AKAP6: variants seen among roughly 807,000 people sequenced by gnomAD.
AKAP6 encodes the protein A-kinase anchoring protein 6.
Under a neutral mutation model 188.5 loss-of-function variants are expected in AKAP6, and 58 were observed. That is an observed-to-expected ratio of 0.31 (90% CI 0.25 to 0.38). The LOEUF is 0.38. Among genes scored for constraint, AKAP6 ranks in the 10% least tolerant of loss-of-function variants. The pLI is 1.00. For synonymous variants in AKAP6, 989 were observed against 998.6 expected, an observed-to-expected ratio of 0.99 and a Z score of 0.18; for missense variants, 2,710 against 2,740.0, an observed-to-expected ratio of 0.99 and a Z score of 0.24.
rs752057932 is a variant in AKAP6 at position 32,678,425 on chromosome 14, G to T, written c.2845G>T (p.Asp949Tyr). Reference protein sequence around the residue: ...SSSKRKEEFADMSKVHSVGSN... With the variant: ...SSSKRKEEFAYMSKVHSVGSN... Reference sequence around the variant, plus strand: ...CAGCAAGCGAAAGGAAGAGTTTGCTGATATGTCAAAAGTTCATTCAGTGGG... The same window carrying T: ...CAGCAAGCGAAAGGAAGAGTTTGCTTATATGTCAAAAGTTCATTCAGTGGG... Residue 949 changes from aspartate (D) to tyrosine (Y), a missense_variant, in exon 8 of 14, where the codon GAT becomes TAT. By Grantham distance (160) the Asp-to-Tyr change is radical. Transcript: ENST00000280979. The T allele has an allele frequency of 5.6e-6, 9 of 1,613,838 alleles. No homozygotes were observed. Among genetic ancestry groups the T allele is most frequent in the Admixed American group, 5.0e-5 (3 of 59,994 alleles).
intron 1 of AKAP6, among the ~76,000 whole-genome samples, chr14:32,355,004 G>A (rs767950201): frequency 2.0e-5 from 3 of 152,174 alleles, no homozygotes; most frequent in Non-Finnish European, 4.4e-5. Flanking sequence ...TCAGGGGAAC[G>A]ACAGATGGTG....
intron 1 of AKAP6, among the ~76,000 whole-genome samples, chr14:32,363,134 A>T (rs1296739721): frequency 1.3e-5 from 2 of 152,174 alleles, no homozygotes; most frequent in Non-Finnish European, 1.5e-5. Context: ...CAAACTAACA[A>T]ATAAAACCCC....
intron 7 of AKAP6, among the ~76,000 whole-genome samples, chr14:32,661,658 G>C (rs1442482141): frequency 6.6e-6 from 1 of 152,114 alleles, no homozygotes; most frequent in Non-Finnish European, 1.5e-5. Flanking sequence ...TCAGGGACTA[G>C]CTAGAGACTG....
At chr14:32,651,605 G>T (rs999165417) in intron 7 of AKAP6, among the ~76,000 whole-genome samples, 1 of 152,112 alleles carries the variant, frequency 6.6e-6, no homozygotes, top group Non-Finnish European at 1.5e-5. Flanking sequence ...TCTCCAGAGA[G>T]GGTGAACTCT....
intron 1 of AKAP6, among the ~76,000 whole-genome samples, chr14:32,384,080 GAGCACCTGATTAAGAGTT>G (rs1888453456): frequency 6.6e-6 from 1 of 152,114 alleles, no homozygotes. Flanking sequence ...CTGGAATTAG[GAGCACCTGATTAAGAGTT>G]AGCACTCTGC....
chr14:32,643,445 T>C lies in AKAP6; in HGVS notation c.2731-34866T>C, dbSNP rs537207553. ...GCCTCAGCCTCCTGAGTAGCTGGGA[T>C]TATAGGCACCCACCACCATGCCCAG... is the stretch of plus-strand genomic sequence containing the variant. On this transcript the variant is annotated intron_variant, in intron 7 of 13. Coordinates refer to ENST00000280979, the MANE Select transcript of AKAP6 (RefSeq NM_004274.5). 2.6e-5 allele frequency among the ~76,000 whole-genome samples: 4 copies of C among 152,014 alleles called. No homozygotes were observed. The South Asian group carries it at 8.3e-4, about 32-fold the overall frequency.
intron 11 of AKAP6, among the ~76,000 whole-genome samples, chr14:32,769,360 A>G (rs2032826720): frequency 6.6e-6 from 1 of 151,926 alleles, no homozygotes; most frequent in South Asian, 2.1e-4. Flanking sequence ...TCTTGATAAT[A>G]TTTAAACTAG....
At position 32,545,233 on chromosome 14, in the gene AKAP6, C is replaced by T. The variant is rs757619323; in HGVS notation, c.580C>T (p.Arg194Trp). 19 of 1,610,708 alleles carry T rather than the reference C, an allele frequency of 1.2e-5. No homozygotes were observed. Among genetic ancestry groups the T allele is most frequent in the Admixed American group, 1.7e-5 (1 of 59,894 alleles). The change falls in exon 4 of 14, where the codon CGG becomes TGG. Residue 194 changes from arginine (R) to tryptophan (W), a missense_variant. Around this residue, in one of 2 missense-constraint regions of AKAP6, gnomAD observed 237 missense variants for 313.9 expected, o/e 0.76. Transcript: ENST00000280979. ...QAFSEETKEG[R>W]LDSLTEVDDS... ...CCATTGCCATTGTCTGTTTCAGGGC[C>T]GGCTTGATTCTCTAACAGAAGTGGA...
At chr14:32,753,072 G>T (rs2032200503) in intron 11 of AKAP6, among the ~76,000 whole-genome samples, 1 of 152,090 alleles carries the variant, frequency 6.6e-6, no homozygotes. Flanking sequence ...ATCCAGAAGT[G>T]GTATTGCTGG....
At chr14:32,447,743 G>T (rs1232236678) in intron 2 of AKAP6, among the ~76,000 whole-genome samples, 2 of 152,172 alleles carry the variant, frequency 1.3e-5, no homozygotes, top group Non-Finnish European at 2.9e-5. Flanking sequence ...GTAGAATTAT[G>T]CATCTCCCTC....
At chr14:32,528,973 G>A (rs898635777) in intron 2 of AKAP6, among the ~76,000 whole-genome samples, 2 of 152,072 alleles carry the variant, frequency 1.3e-5, no homozygotes, top group Admixed American at 1.3e-4. Context: ...CCACCGTGCC[G>A]AGCCTCTTCA....
intron 5 of AKAP6, among the ~76,000 whole-genome samples, chr14:32,589,533 A>G (rs935106034): frequency 6.6e-6 from 1 of 152,116 alleles, no homozygotes. Flanking sequence ...ATGTAACTCT[A>G]ATTTTGTGCA....
At chr14:32,648,803 A>T (rs1380853100) in intron 7 of AKAP6, among the ~76,000 whole-genome samples, 1 of 152,142 alleles carries the variant, frequency 6.6e-6, no homozygotes. Context: ...CAAATGTAGG[A>T]AATCCAATTA....
intron 2 of AKAP6, among the ~76,000 whole-genome samples, chr14:32,497,070 G>A (rs1316292743): frequency 2.0e-5 from 3 of 152,062 alleles, no homozygotes; most frequent in African/African-American, 7.2e-5. Context: ...TCAATGGCTG[G>A]GAGTTGATAT....
rs1263998336 is a variant in AKAP6, at chr14:32,732,456, A to G, written c.3003A>G (p.Arg1001=). The G allele has an allele frequency of 1.9e-6, 3 of 1,611,978 alleles. No homozygotes were observed. Among genetic ancestry groups the G allele is most frequent in the South Asian group, 1.1e-5 (1 of 90,780 alleles). Residue 1001 remains arginine, a splice_region_variant and synonymous_variant, in exon 10 of 14, where the codon CGA becomes CGG. Transcript: ENST00000280979. ...CTCTTTTTCTCTTTTCATTTTAGCG[A>G]TACAGTGTGGAAATGTCCATCAGAC... The part of the protein sequence containing the change: ...SEEQQQHLYK[R]YSVEMSIRHL...
intron 1 of AKAP6, among the ~76,000 whole-genome samples, chr14:32,334,976 G>A (rs1397581479): frequency 6.6e-6 from 1 of 152,026 alleles, no homozygotes; most frequent in Non-Finnish European, 1.5e-5. Flanking sequence ...TTGGAGACAG[G>A]GTTTTACTCT....
intron 11 of AKAP6, among the ~76,000 whole-genome samples, chr14:32,758,657 C>T (rs2032430414): frequency 1.3e-5 from 2 of 152,044 alleles, no homozygotes; most frequent in Admixed American, 1.3e-4. Flanking sequence ...CGCTTGAACC[C>T]AGGAGGAGAA....
chr14:32,510,438 G>GTGTA (rs1566546723), intron 2 of AKAP6, among the ~76,000 whole-genome samples: 73 of 84,370 alleles, frequency 8.7e-4, no homozygotes, highest in Admixed American at 2.3e-3. Flanking sequence ...ATATATATGT[G>GTGTA]TATATATATA....
At chr14:32,569,424 A>T (rs1289543298) in intron 4 of AKAP6, among the ~76,000 whole-genome samples, 1 of 152,080 alleles carries the variant, frequency 6.6e-6, no homozygotes, top group Non-Finnish European at 1.5e-5. Flanking sequence ...TCTGTCAATT[A>T]CTCGTACTGT....
Sources: gnomAD v4.1 joint callset for allele counts (sites outside exome capture counted in the v4.1 genomes callset) on GRCh38, gnomAD v4.1.1 for gene constraint, gnomAD v4.1.1 regional missense constraint, MANE v1.5 for transcripts, NCBI Gene and HGNC (gene_info 2026-07-23, HGNC 2026-07-21) for gene names.